Variants in TMEM132D observed in about 807,000 individuals in gnomAD.
The protein encoded by TMEM132D is mature OL transmembrane protein.
A neutral mutation model predicts 62.3 loss-of-function variants in TMEM132D; 21 were observed. That is an observed-to-expected ratio of 0.34 (90% CI 0.24 to 0.49). TMEM132D has a LOEUF of 0.49. Among genes scored for constraint, TMEM132D ranks in the 20% least tolerant of loss-of-function variants. The pLI, the probability that TMEM132D is intolerant of heterozygous loss-of-function variation, is 0.99. For synonymous variants in TMEM132D, 621 were observed against 575.6 expected (o/e 1.08, Z -1.13); for missense variants, 1,346 against 1,402.8 (o/e 0.96, Z 0.65).
intron 8 of TMEM132D, 56 bp downstream of exon 8, chr12:129,078,478 T>C: frequency 6.4e-7 from 1 of 1,560,990 alleles, no homozygotes; most frequent in Non-Finnish European, 8.7e-7. Context: ...CTGCCTGGTG[T>C]GTGATCCACT....
intron 3 of TMEM132D, among the ~76,000 whole-genome samples, chr12:129,388,723 CTCATCCTAATATAAACACTAACAG>C (rs1871206340): frequency 8.6e-6 from 1 of 116,422 alleles, no homozygotes; most frequent in African/African-American, 3.2e-5. Flanking sequence ...AACACTAACA[CTCATCCTAATATAAACACTAACAG>C]CAACACCAAT....
At chr12:129,139,640 C>T (rs908276485) in intron 5 of TMEM132D, among the ~76,000 whole-genome samples, 13 of 152,296 alleles carry the variant, frequency 8.5e-5, no homozygotes, top group African/African-American at 3.1e-4. Context: ...GTTGTCTTTA[C>T]ACACCTATTT....
intron 3 of TMEM132D, among the ~76,000 whole-genome samples, chr12:129,525,328 A>G (rs560932078): frequency 6.8e-6 from 1 of 146,988 alleles, no homozygotes; most frequent in Non-Finnish European, 1.5e-5. Flanking sequence ...TCCCTAATGC[A>G]GAAGTTATTA....
chr12:129,503,306 A>G (rs1011726784), intron 3 of TMEM132D, among the ~76,000 whole-genome samples: 3 of 152,230 alleles, frequency 2.0e-5, no homozygotes, highest in Non-Finnish European at 4.4e-5. Context: ...CTATATAAGA[A>G]GATAAAAACC....
At chr12:129,409,987 C>T (rs1250801905) in intron 3 of TMEM132D, among the ~76,000 whole-genome samples, 1 of 152,184 alleles carries the variant, frequency 6.6e-6, no homozygotes, top group Non-Finnish European at 1.5e-5. Flanking sequence ...GTTCTAAATG[C>T]TTCATTAGAA....
At chr12:129,297,218 C>T (rs1593327573) in intron 4 of TMEM132D, among the ~76,000 whole-genome samples, 1 of 152,154 alleles carries the variant, frequency 6.6e-6, no homozygotes, top group Admixed American at 6.5e-5. Context: ...GGTCCTGGAA[C>T]CAGGTGGGGC....
chr12:129,798,434 G>A (rs113671242), intron 1 of TMEM132D, among the ~76,000 whole-genome samples: 40 of 152,186 alleles, frequency 2.6e-4, no homozygotes, highest in African/African-American at 6.5e-4. Flanking sequence ...AATTAGAAGC[G>A]CTAAGCTAAT....
At chr12:129,765,549 A>G (rs1452114288) in intron 1 of TMEM132D, among the ~76,000 whole-genome samples, 30 of 144,588 alleles carry the variant, frequency 2.1e-4, no homozygotes, top group African/African-American at 6.2e-4. Flanking sequence ...CTGGGCAACA[A>G]GAGTGAAATT....
chr12:129,498,407 C>T (rs1021359075), intron 3 of TMEM132D, among the ~76,000 whole-genome samples: 2 of 152,106 alleles, frequency 1.3e-5, no homozygotes, highest in African/African-American at 2.4e-5. Flanking sequence ...GCTCACACCA[C>T]CACCCTCAGC....
chr12:129,376,384 G>C (rs945747699), intron 3 of TMEM132D, among the ~76,000 whole-genome samples: 1 of 152,182 alleles, frequency 6.6e-6, no homozygotes, highest in African/African-American at 2.4e-5. Context: ...AGTAGAATGA[G>C]TAAAAGGAGC....
At chr12:129,664,986 T>A (rs1326063301) in intron 2 of TMEM132D, among the ~76,000 whole-genome samples, 6 of 152,056 alleles carry the variant, frequency 3.9e-5, no homozygotes, top group Non-Finnish European at 8.8e-5. Flanking sequence ...GAGGATCAGG[T>A]GTAGAGAGGA....
chr12:129,332,209 A>G (rs538779768), intron 4 of TMEM132D, among the ~76,000 whole-genome samples: 1 of 152,224 alleles, frequency 6.6e-6, no homozygotes, highest in African/African-American at 2.4e-5. Context: ...ACAAAACCAT[A>G]TTTACTTACA....
chr12:129,363,168 C>T lies in TMEM132D; in HGVS notation c.1116-25351G>A, dbSNP rs531768063. ...AAAGAAGGCAGCTTTGCTTGACAAG[C>T]GTCTTTGGTGTCTAGCCTTAGGGAA... On this transcript the variant is annotated intron_variant, in intron 3 of 8. Transcript: ENST00000422113. Among the ~76,000 whole-genome samples the T allele has an allele frequency of 4.6e-5, 7 of 152,304 alleles. No individual in the cohort carries two copies. The South Asian group carries it at 1.4e-3, about 32-fold the overall frequency.
intron 5 of TMEM132D, among the ~76,000 whole-genome samples, chr12:129,099,253 T>C (rs981372212): frequency 4.6e-5 from 7 of 152,200 alleles, no homozygotes; most frequent in Admixed American, 6.5e-5. Context: ...GTACACCTTA[T>C]TGCGTCAGGT....
chr12:129,121,199 G>A (rs751861196), intron 5 of TMEM132D, among the ~76,000 whole-genome samples: 35 of 152,178 alleles, frequency 2.3e-4, no homozygotes, highest in Admixed American at 1.1e-3. Context: ...GAGTTCAAGC[G>A]ATTCTCCTGC....
rs373174314 is a variant in TMEM132D at position 129,817,655 on chromosome 12, TG to T, written c.79+85605del. ...TGTAATGTGGGGTGTGTCTGTAATA[TG>T]GGGTGTGTGGGGGGTATGTGTGGGG... On this transcript the variant is annotated intron_variant, in intron 1 of 8. Transcript: ENST00000422113. 1.7e-4 allele frequency among the ~76,000 whole-genome samples: 18 copies of T among 104,828 alleles called. 3 individuals carry two copies. The highest frequency in any genetic ancestry group is 6.8e-4 in the African/African-American group (18 of 26,394). The allele number at this position is 104,828 out of a possible 152,430, so 68.8% of individuals were successfully genotyped here.
intron 1 of TMEM132D, among the ~76,000 whole-genome samples, chr12:129,873,302 A>G (rs891776835): frequency 1.3e-4 from 20 of 152,314 alleles, no homozygotes; most frequent in African/African-American, 4.8e-4. Flanking sequence ...ATTGTGATTA[A>G]CAAAATGGAA....
intron 2 of TMEM132D, among the ~76,000 whole-genome samples, chr12:129,666,296 C>T (rs1880379132): frequency 6.6e-6 from 1 of 152,074 alleles, no homozygotes; most frequent in South Asian, 2.1e-4. Context: ...TTCCGTTTGT[C>T]TGCATTTATG....
At chr12:129,824,646 G>A (rs1269688116) in intron 1 of TMEM132D, among the ~76,000 whole-genome samples, 2 of 152,204 alleles carry the variant, frequency 1.3e-5, no homozygotes, top group Admixed American at 6.5e-5. Context: ...GTGTCCATCT[G>A]CAAGACAGGG....
Sources: gnomAD v4.1 joint callset for allele counts (sites outside exome capture counted in the v4.1 genomes callset) on GRCh38, gnomAD v4.1.1 for gene constraint, MANE v1.5 for transcripts, NCBI Gene and HGNC (gene_info 2026-07-23, HGNC 2026-07-21) for gene names.